The following GUCY2C variants were observed in gnomAD, a reference collection of about 807,000 sequenced individuals.
The protein encoded by GUCY2C is guanylyl cyclase C.
Under a neutral mutation model 131.1 loss-of-function variants are expected in GUCY2C, and 118 were observed. The ratio of observed to expected loss-of-function variants is 0.90; its 90% CI spans 0.78 to 1.05. The LOEUF is 1.05. Ranked by LOEUF, GUCY2C falls within the 50% of genes least tolerant of loss-of-function variation. The pLI is 0.00. For synonymous variants in GUCY2C, 452 were observed against 457.8 expected (o/e 0.99, Z 0.16); for missense variants, 1,161 against 1,304.4 (o/e 0.89, Z 1.69).
intron 10 of GUCY2C, among the ~76,000 whole-genome samples, chr12:14,669,309 G>A (rs1592131698): frequency 6.6e-6 from 1 of 151,052 alleles, no homozygotes; most frequent in East Asian, 1.9e-4. Flanking sequence ...GGCTCAACTG[G>A]TCCTCCTACC....
rs754937595 is a variant in GUCY2C at position 14,652,997 on chromosome 12, T to C, written c.1488A>G (p.Arg496=). Residue 496 remains arginine (R), a synonymous_variant, in exon 13 of 27, where the codon AGA becomes AGG. Transcript: ENST00000261170. ...HVSLKIDDDK[R]RDTIQRLRQC... is the part of the protein sequence containing the mutation. ...GTCGTAGTCTCTGGATTGTATCTCG[T>C]CTTTTGTCATCATCGATCTGGCACA... 1.2e-6 allele frequency: 2 copies of C among 1,611,558 alleles called. No individual in the cohort carries two copies. The highest frequency in any genetic ancestry group is 1.7e-5 in the Admixed American group (1 of 60,026).
At position 14,621,106 on chromosome 12, in the gene GUCY2C, C is replaced by G; in HGVS notation, c.2712G>C (p.Met904Ile). 6.2e-7 allele frequency: 1 copy of G among 1,614,016 alleles called. No homozygotes were observed. Among genetic ancestry groups the G allele is most frequent in the Non-Finnish European group, 8.5e-7 (1 of 1,179,968 alleles). The change falls in exon 23 of 27, where the codon ATG becomes ATC. Residue 904 changes from methionine to isoleucine, a missense_variant. Coordinates refer to ENST00000261170, the MANE Select transcript of GUCY2C (RefSeq NM_004963.4). ...AKMALEILSF[M>I]GTFELEHLPG... ...GAAGATGCTCCAGCTCAAAGGTCCC[C>G]ATGAAGCTGAGGATTTCCAAGGCCA...
At chr12:14,638,095 G>A (rs964220591) in intron 19 of GUCY2C, among the ~76,000 whole-genome samples, 1 of 152,116 alleles carries the variant, frequency 6.6e-6, no homozygotes, top group East Asian at 1.9e-4. Context: ...TTTATAAATG[G>A]CTAACAGGAA....
At chr12:14,671,569 C>T (rs1186028110) in intron 9 of GUCY2C, among the ~76,000 whole-genome samples, 3 of 152,180 alleles carry the variant, frequency 2.0e-5, no homozygotes, top group Non-Finnish European at 4.4e-5. Context: ...TTGAGAAGAT[C>T]TCTGATTTTC....
At chr12:14,692,058 A>T (rs1439602867) in intron 1 of GUCY2C, among the ~76,000 whole-genome samples, 1 of 152,160 alleles carries the variant, frequency 6.6e-6, no homozygotes, top group African/African-American at 2.4e-5. Flanking sequence ...CTAATTCTAG[A>T]ACTTTGATAT....
At chr12:14,636,197 C>T (rs1947266604) in intron 19 of GUCY2C, among the ~76,000 whole-genome samples, 1 of 151,902 alleles carries the variant, frequency 6.6e-6, no homozygotes, top group African/African-American at 2.4e-5. Context: ...ATGCAAAAAT[C>T]CTCCAAGAAA....
intron 10 of GUCY2C, among the ~76,000 whole-genome samples, chr12:14,666,788 C>T (rs1374200286): frequency 1.3e-5 from 2 of 151,692 alleles, no homozygotes; most frequent in Non-Finnish European, 2.9e-5. Flanking sequence ...ACTGAGGACT[C>T]CTGTACCCTC....
intron 10 of GUCY2C, among the ~76,000 whole-genome samples, chr12:14,669,450 A>G (rs1047291815): frequency 1.3e-5 from 2 of 151,908 alleles, no homozygotes; most frequent in Non-Finnish European, 2.9e-5. Flanking sequence ...TTTTAGGCTT[A>G]AGCAGTCTTC....
chr12:14,674,844 G>T (rs1210066115), intron 7 of GUCY2C, 84 bp from the exon 8 acceptor site: 3 of 1,048,730 alleles, frequency 2.9e-6, no homozygotes, highest in Non-Finnish European at 4.2e-6. Flanking sequence ...GTTGGGATCA[G>T]CAGGGTTACT....
intron 18 of GUCY2C, 85 bp downstream of exon 18, chr12:14,640,997 G>A (rs1171597491): frequency 6.5e-6 from 8 of 1,226,026 alleles, no homozygotes; most frequent in Middle Eastern, 5.4e-4. Flanking sequence ...TTGTGATGTG[G>A]TTACAGACAG....
chr12:14,613,297 A>G lies in GUCY2C; in HGVS notation c.3048-6T>C. 3 of 1,607,972 alleles carry G rather than the reference A, an allele frequency of 1.9e-6. No homozygotes were observed. The highest frequency in any genetic ancestry group is 2.6e-6 in the Non-Finnish European group (3 of 1,174,750). On this transcript the variant is annotated splice_polypyrimidine_tract_variant and splice_region_variant and intron_variant, in intron 26 of 26. Transcript: ENST00000261170. This position sits in a 1 kb window ranked among gnomAD's most constrained non-coding sequence, Gnocchi z 4.9. ...GCAAACGCTGTTGATTCTCCCTGGA[A>G]ACAGAGTGGGAAGAGAAAATAGAAC...
At chr12:14,677,736 A>ATTTT (rs67108274) in intron 6 of GUCY2C, among the ~76,000 whole-genome samples, 1,401 of 133,980 alleles carry the variant, frequency 0.01, 26 homozygotes, top group African/African-American at 0.037. Flanking sequence ...ACGCCCAGCT[A>ATTTT]TTTTTTTTTT....
chr12:14,691,322 T>G (rs1188635875), intron 1 of GUCY2C, among the ~76,000 whole-genome samples: 2 of 152,212 alleles, frequency 1.3e-5, no homozygotes, highest in South Asian at 4.1e-4. Context: ...ATGGGTTTAA[T>G]AGCAGTTCAC....
chr12:14,660,215 G>A (rs1400245691), intron 11 of GUCY2C, among the ~76,000 whole-genome samples: 1 of 152,226 alleles, frequency 6.6e-6, no homozygotes, highest in Non-Finnish European at 1.5e-5. Context: ...GTTTAGCTAG[G>A]AAGTGCAAGT....
At chr12:14,670,101 C>T (rs538116377) in intron 9 of GUCY2C, among the ~76,000 whole-genome samples, 4 of 152,240 alleles carry the variant, frequency 2.6e-5, no homozygotes, top group African/African-American at 7.2e-5. Flanking sequence ...ATTCTGTGGG[C>T]CTTTAGTGAA....
Position 14,613,614 on chromosome 12 carries a change from A to T in GUCY2C, c.3048-323T>A, listed in dbSNP as rs908656796. On this transcript the variant is annotated intron_variant, in intron 26 of 26. Coordinates refer to ENST00000261170, the MANE Select transcript of GUCY2C (RefSeq NM_004963.4). This position sits in a 1 kb window ranked among gnomAD's most constrained non-coding sequence, Gnocchi z 4.9. ...TGGGAGGATGCTAGGCCCCTGCCAC[A>T]CAACCCTGAAAACTCATTGGTCCCA... 3.0e-4 allele frequency among the ~76,000 whole-genome samples: 46 copies of T among 152,132 alleles called. No homozygotes were observed. The highest frequency in any genetic ancestry group is 7.4e-5 in the Non-Finnish European group (5 of 68,010).
intron 12 of GUCY2C, among the ~76,000 whole-genome samples, chr12:14,654,372 C>G (rs1947722003): frequency 6.6e-6 from 1 of 152,150 alleles, no homozygotes; most frequent in Non-Finnish European, 1.5e-5. Flanking sequence ...GGGTTTTCTC[C>G]ATGTCTACCT....
At chr12:14,641,290 G>T (rs1449800605) in intron 17 of GUCY2C, 71 bp from the exon 18 acceptor site, 3 of 1,437,396 alleles carry the variant, frequency 2.1e-6, no homozygotes, top group East Asian at 4.6e-5. Flanking sequence ...ACCTGCTTTT[G>T]CTCTCTAATT....
chr12:14,622,015 T>G lies in GUCY2C; in HGVS notation c.2591A>C (p.Asp864Ala), dbSNP rs750430606. 6.2e-7 allele frequency: 1 copy of G among 1,601,500 alleles called. No homozygotes were observed. The highest frequency in any genetic ancestry group is 8.5e-7 in the Non-Finnish European group (1 of 1,174,586). ...AGGTGATGTGGTTACCTTGTAGACA[T>G]CATGATGATCAACAATGTGGTCAAA... ...KSFDHIVDHH[D>A]VYKVETIGDA... The change falls in exon 22 of 27, where the codon GAT becomes GCT. Residue 864 changes from aspartate (D) to alanine (A), a missense_variant. Physicochemically the swap from Asp to Ala is moderately radical, Grantham distance 126. Coordinates refer to ENST00000261170, the MANE Select transcript of GUCY2C (RefSeq NM_004963.4).
Sources: gnomAD v4.1 joint callset for allele counts (sites outside exome capture counted in the v4.1 genomes callset) on GRCh38, gnomAD v4.1.1 for gene constraint, Gnocchi (gnomAD v3.1) non-coding constraint, MANE v1.5 for transcripts, NCBI Gene and HGNC (gene_info 2026-07-23, HGNC 2026-07-21) for gene names.